CPVL: variants seen among roughly 807,000 people sequenced by gnomAD.
CPVL encodes the protein probable serine carboxypeptidase CPVL.
CPVL carries 51 observed loss-of-function variants against 63.7 expected under a neutral mutation model. The ratio of observed to expected loss-of-function variants is 0.80; its 90% confidence interval spans 0.64 to 1.01. CPVL has a LOEUF of 1.01. Ranked by LOEUF, CPVL falls within the 50% of genes least tolerant of loss-of-function variation. CPVL has a pLI of 0.00. For synonymous variants in CPVL, 195 were observed against 206.0 expected (o/e 0.95, Z 0.46); for missense variants, 530 against 573.1 (o/e 0.92, Z 0.77).
intron 12 of CPVL, among the ~76,000 whole-genome samples, chr7:29,022,460 A>G (rs1338471325): frequency 6.6e-6 from 1 of 152,154 alleles, no homozygotes. Context: ...GATCAACCAC[A>G]CACACTGCCA....
chr7:29,124,630 A>C (rs1488700366), intron 1 of CPVL, among the ~76,000 whole-genome samples: 1 of 152,154 alleles, frequency 6.6e-6, no homozygotes, highest in Non-Finnish European at 1.5e-5. Context: ...GTAAGACATC[A>C]GATAAGTTAC....
intron 11 of CPVL, among the ~76,000 whole-genome samples, chr7:29,038,184 T>A (rs990164055): frequency 8.5e-5 from 13 of 152,122 alleles, no homozygotes; most frequent in Admixed American, 8.5e-4. Flanking sequence ...AATGTTTGTA[T>A]CCTCCCAAAA....
At chr7:29,092,219 G>A (rs1785889644) in intron 6 of CPVL, among the ~76,000 whole-genome samples, 1 of 142,106 alleles carries the variant, frequency 7.0e-6, no homozygotes, top group Admixed American at 7.2e-5. Flanking sequence ...ACTTTCATAA[G>A]AAGAAGAGAG....
At chr7:29,095,221 A>G in intron 4 of CPVL, 79 bp from the exon 5 acceptor site, 1 of 1,144,622 alleles carries the variant, frequency 8.7e-7, no homozygotes, top group Non-Finnish European at 1.3e-6. Context: ...CAGAAGCCCA[A>G]CACACCCCAC....
intron 1 of CPVL, chr7:29,195,048 C>T (rs2128761419): frequency 6.5e-7 from 1 of 1,536,630 alleles, no homozygotes; most frequent in Non-Finnish European, 8.8e-7. Context: ...ACTGCCCTCG[C>T]CCCGCAGCCT....
Position 29,112,794 on chromosome 7 carries a change from G to C in CPVL, c.198C>G (p.Phe66Leu). 1 of 1,613,606 alleles carries C rather than the reference G, an allele frequency of 6.2e-7. No individual in the cohort carries two copies. The highest frequency in any genetic ancestry group is 8.5e-7 in the Non-Finnish European group (1 of 1,179,786). ...KGRELSLVGPFPGLNMKSYAG... is the reference protein window; with the variant it reads ...KGRELSLVGPLPGLNMKSYAG... ...CATAACTCTTCATGTTCAGTCCTGG[G>C]AAAGGGCCGACCAAACTCAATTCTC... Residue 66 changes from phenylalanine to leucine, a missense_variant, in exon 3 of 13, where the codon TTC becomes TTG. Transcript: ENST00000265394.
At chr7:29,056,949 C>CTTTTT (rs70977101) in intron 11 of CPVL, among the ~76,000 whole-genome samples, 33 of 118,052 alleles carry the variant, frequency 2.8e-4, no homozygotes, top group Middle Eastern at 5.3e-3. Context: ...TTTTCCTTTT[C>CTTTTT]TTTTTTTTTT....
At chr7:29,104,954 A>C (rs1272312665) in intron 3 of CPVL, among the ~76,000 whole-genome samples, 2 of 152,078 alleles carry the variant, frequency 1.3e-5, no homozygotes, top group Admixed American at 6.5e-5. Context: ...CTATAACATC[A>C]CCTTAAGCTA....
intron 12 of CPVL, chr7:29,012,066 T>C (rs1386067628): frequency 6.6e-6 from 1 of 152,244 alleles, no homozygotes; most frequent in Non-Finnish European, 1.5e-5. Flanking sequence ...CCTTGAATCC[T>C]AACCACAGAC....
At chr7:29,044,366 G>C (rs1308312919) in intron 11 of CPVL, among the ~76,000 whole-genome samples, 1 of 152,132 alleles carries the variant, frequency 6.6e-6, no homozygotes. Flanking sequence ...GCAGTGAGCT[G>C]AGATTATGCC....
chr7:29,184,043 A>G (rs1418686665), intron 4 of CPVL, among the ~76,000 whole-genome samples: 1 of 152,052 alleles, frequency 6.6e-6, no homozygotes, highest in African/African-American at 2.4e-5. Flanking sequence ...ACACTATTTT[A>G]TATAAGACAC....
intron 12 of CPVL, among the ~76,000 whole-genome samples, chr7:29,026,627 C>T (rs149239230): frequency 1.8e-3 from 279 of 151,962 alleles, no homozygotes; most frequent in African/African-American, 6.5e-3. Flanking sequence ...AGAGAAAACC[C>T]AAATAAATAA....
At chr7:29,120,801 C>G (rs917050994) in intron 2 of CPVL, 92 bp downstream of exon 2, 4 of 1,272,686 alleles carry the variant, frequency 3.1e-6, no homozygotes, top group Non-Finnish European at 4.3e-6. Context: ...AGCCTAGTGA[C>G]AGGCGAGACT....
At chr7:29,146,565 A>T (rs1435198219), upstream of CPVL, 4 of 1,537,202 alleles carry the variant, frequency 2.6e-6, no homozygotes, top group East Asian at 7.4e-5. Context: ...CGAGCCTTTA[A>T]GCGCTCCTCT....
chr7:29,029,496 T>C (rs945575170), intron 12 of CPVL, among the ~76,000 whole-genome samples: 4 of 152,196 alleles, frequency 2.6e-5, no homozygotes, highest in African/African-American at 9.6e-5. Flanking sequence ...ATCCTATCAC[T>C]TGCAGTGACA....
intron 3 of CPVL, among the ~76,000 whole-genome samples, chr7:29,098,075 C>A (rs73684588): frequency 1.4e-3 from 215 of 152,272 alleles, no homozygotes; most frequent in African/African-American, 4.8e-3. Context: ...CAGCAAGGAT[C>A]CCCTGGCTTC....
At chr7:29,104,595 T>A (rs1473019253) in intron 3 of CPVL, among the ~76,000 whole-genome samples, 1 of 152,200 alleles carries the variant, frequency 6.6e-6, no homozygotes, top group Non-Finnish European at 1.5e-5. Flanking sequence ...CCTTCTTGCA[T>A]CATTCCGAAG....
intron 1 of CPVL, among the ~76,000 whole-genome samples, chr7:29,122,883 G>A (rs77684379): frequency 0.022 from 3,306 of 152,194 alleles, 133 homozygotes; most frequent in African/African-American, 0.075. Flanking sequence ...ACCTGAGGTA[G>A]TGCCTCTCTT....
At chr7:29,110,642 A>G (rs1788145186) in intron 3 of CPVL, among the ~76,000 whole-genome samples, 1 of 152,246 alleles carries the variant, frequency 6.6e-6, no homozygotes, top group Non-Finnish European at 1.5e-5. Context: ...CAAATGTTCA[A>G]GTATCCATTT....
Sources: gnomAD v4.1 joint callset for allele counts (sites outside exome capture counted in the v4.1 genomes callset) on GRCh38, gnomAD v4.1.1 for gene constraint, MANE v1.5 for transcripts, NCBI Gene and HGNC (gene_info 2026-07-23, HGNC 2026-07-21) for gene names.